SSH2: variants seen among roughly 807,000 people sequenced by gnomAD.
SSH2 encodes slingshot protein phosphatase 2.
In SSH2, 37 loss-of-function variants were observed where a neutral mutation model predicts 135.2. The observed-to-expected ratio is 0.27, with a 90% confidence interval of 0.21 to 0.36. The LOEUF (loss-of-function observed/expected upper bound fraction) is 0.36. SSH2 is among the 10% of genes least tolerant of loss of function. The pLI is 1.00. For missense variants in SSH2, 1,408 were observed against 1,765.3 expected, an observed-to-expected ratio of 0.80 and a Z score of 3.63; for synonymous variants, 628 against 646.2, an observed-to-expected ratio of 0.97 and a Z score of 0.43.
At chr17:29,789,767 CA>C (rs1445823377) in intron 3 of SSH2, among the ~76,000 whole-genome samples, 1 of 152,182 alleles carries the variant, frequency 6.6e-6, no homozygotes, top group Admixed American at 6.5e-5. Context: ...GAGAGCAGAG[CA>C]TCAAACCAAG....
intron 11 of SSH2, among the ~76,000 whole-genome samples, chr17:29,657,601 A>C (rs139961203): frequency 0.14 from 6,768 of 47,080 alleles, 331 homozygotes; most frequent in African/African-American, 0.22. Context: ...TTTTTTTTAG[A>C]GACAGAGTCT....
chr17:29,715,060 T>C (rs1435321332), intron 3 of SSH2, among the ~76,000 whole-genome samples: 1 of 151,908 alleles, frequency 6.6e-6, no homozygotes, highest in East Asian at 1.9e-4. Context: ...AGAGACGGGG[T>C]TTCACCATGT....
intron 1 of SSH2, 163 bp downstream of exon 1, chr17:29,929,775 C>T: frequency 1.6e-6 from 1 of 633,570 alleles, no homozygotes; most frequent in Non-Finnish European, 2.8e-6. Flanking sequence ...GTAGTTCCTG[C>T]TGCTAGTCTT....
chr17:29,676,492 A>T, intron 8 of SSH2: 1 of 231,236 alleles, frequency 4.3e-6, no homozygotes, highest in South Asian at 6.3e-5. Context: ...GATGTTCTAG[A>T]TTTGGCTCTT....
chr17:29,746,099 G>T (rs904846867), intron 3 of SSH2, among the ~76,000 whole-genome samples: 1 of 152,140 alleles, frequency 6.6e-6, no homozygotes, highest in Non-Finnish European at 1.5e-5. Flanking sequence ...CACAATGATA[G>T]ATATCAAGTC....
intron 1 of SSH2, among the ~76,000 whole-genome samples, chr17:29,886,714 T>C (rs1158884278): frequency 2.9e-5 from 4 of 139,418 alleles, no homozygotes; most frequent in Non-Finnish European, 4.5e-5. Flanking sequence ...GCCACTGCAC[T>C]CCAGCCTGGG....
intron 3 of SSH2, among the ~76,000 whole-genome samples, chr17:29,786,741 C>T: frequency 6.6e-6 from 1 of 152,024 alleles, no homozygotes; most frequent in Non-Finnish European, 1.5e-5. Flanking sequence ...CACTTGAGCC[C>T]AGCAGTTTGA....
intron 2 of SSH2, among the ~76,000 whole-genome samples, chr17:29,846,675 G>A (rs910863738): frequency 2.0e-5 from 3 of 152,142 alleles, no homozygotes; most frequent in Non-Finnish European, 4.4e-5. Context: ...AAATAAATAC[G>A]TGAATGAGGT....
intron 3 of SSH2, among the ~76,000 whole-genome samples, chr17:29,717,736 T>C (rs1189880613): frequency 6.6e-6 from 1 of 151,970 alleles, no homozygotes; most frequent in African/African-American, 2.4e-5. Flanking sequence ...AAAAAGAACA[T>C]TAAAGGCAGT....
chr17:29,821,471 C>A (rs2042649317), intron 2 of SSH2, among the ~76,000 whole-genome samples: 2 of 149,520 alleles, frequency 1.3e-5, no homozygotes, highest in South Asian at 2.1e-4. Flanking sequence ...ATTTATTGAA[C>A]AAGCGAGTTA....
Position 29,627,999 on chromosome 17 carries a change from C to T in SSH2, c.*2842G>A, listed in dbSNP as rs2035547938. The T allele has an allele frequency of 6.6e-6, 1 of 152,152 alleles. No individual in the cohort carries two copies. Among genetic ancestry groups the T allele is most frequent in the Non-Finnish European group, 1.5e-5 (1 of 68,038 alleles). The allele number at this position is 152,152 out of a possible 1,614,324, so 9.4% of individuals were successfully genotyped here. A position where few individuals can be genotyped will look rare whatever the true frequency, so the allele number is the denominator to read the frequency against. ...AAGAGTCAAAGTTTTTCCTATTCAT[C>T]TTTGCCAGTCTATCAAATCTGCTGC... On this transcript the variant is annotated 3_prime_UTR_variant, in exon 16 of 16. Transcript: ENST00000540801.
At chr17:29,731,385 A>C (rs976936150) in intron 3 of SSH2, among the ~76,000 whole-genome samples, 1 of 151,942 alleles carries the variant, frequency 6.6e-6, no homozygotes, top group Non-Finnish European at 1.5e-5. Context: ...ATAAGCAAAA[A>C]TACCAACTAG....
At chr17:29,886,124 A>T (rs1040746323) in intron 1 of SSH2, among the ~76,000 whole-genome samples, 3 of 152,068 alleles carry the variant, frequency 2.0e-5, no homozygotes, top group Admixed American at 2.0e-4. Context: ...AATGTGGGAA[A>T]GTTTGGAACT....
chr17:29,655,654 A>C, intron 11 of SSH2, 47 bp from the exon 12 acceptor site: 1 of 1,539,160 alleles, frequency 6.5e-7, no homozygotes, highest in African/African-American at 1.4e-5. Context: ...CAAATCAACC[A>C]AACAATACTT....
At chr17:29,649,574 G>A (rs1400501417) in intron 13 of SSH2, among the ~76,000 whole-genome samples, 1 of 151,650 alleles carries the variant, frequency 6.6e-6, no homozygotes, top group East Asian at 1.9e-4. Context: ...ATTTTTTTTT[G>A]TAGAAATAGG....
intron 1 of SSH2, among the ~76,000 whole-genome samples, chr17:29,911,507 G>A (rs918094231): frequency 6.6e-6 from 1 of 152,110 alleles, no homozygotes; most frequent in African/African-American, 2.4e-5. Context: ...CTACAGAGAC[G>A]GAAACACCAA....
chr17:29,773,678 TTTTA>T (rs1398978337), intron 3 of SSH2, among the ~76,000 whole-genome samples: 6 of 152,212 alleles, frequency 3.9e-5, no homozygotes, highest in Admixed American at 2.6e-4. Flanking sequence ...GGGTTATTTT[TTTTA>T]TTTATTTATT....
chr17:29,717,035 T>C (rs139130618), intron 3 of SSH2, among the ~76,000 whole-genome samples: 1 of 152,338 alleles, frequency 6.6e-6, no homozygotes, highest in Non-Finnish European at 1.5e-5. Context: ...GGTAACTCTC[T>C]GACCATTCCA....
At chr17:29,673,510 T>C (rs1031419093) in intron 8 of SSH2, among the ~76,000 whole-genome samples, 14 of 151,204 alleles carry the variant, frequency 9.3e-5, no homozygotes, top group African/African-American at 3.4e-4. Flanking sequence ...ACGGAGGCTG[T>C]AGTTAGCTGA....
Sources: allele counts gnomAD v4.1 joint callset (sites outside exome capture counted in the v4.1 genomes callset), GRCh38; gene constraint gnomAD v4.1.1; transcripts MANE v1.5; gene names NCBI Gene and HGNC (gene_info 2026-07-23, HGNC 2026-07-21).